The following GREM2 variants were observed in gnomAD, a reference collection of about 807,000 sequenced individuals.
The protein encoded by GREM2 is gremlin-2.
Under a neutral mutation model 14.2 loss-of-function variants are expected in GREM2, and 11 were observed. The observed-to-expected ratio is 0.78, with a 90% CI of 0.49 to 1.28. The LOEUF is 1.28. Ranked by LOEUF, GREM2 falls within the 50% of genes most tolerant of loss-of-function variation. The pLI is 0.00. For synonymous variants in GREM2, 98 were observed against 97.6 expected, an observed-to-expected ratio of 1.00 and a Z score of -0.02; for missense variants, 210 against 218.5, an observed-to-expected ratio of 0.96 and a Z score of 0.24.
At chr1:240,611,075 A>T (rs1337593885) in intron 1 of GREM2, among the ~76,000 whole-genome samples, 1 of 18,826 alleles carries the variant, frequency 5.3e-5, no homozygotes, top group African/African-American at 1.3e-4. Flanking sequence ...ACCTCAAAAT[A>T]AAAAAAAAAA....
At chr1:240,532,068 AATT>A (rs531991027) in intron 1 of GREM2, among the ~76,000 whole-genome samples, 8 of 151,000 alleles carry the variant, frequency 5.3e-5, no homozygotes, top group South Asian at 4.2e-4. Context: ...TTTGGAACTA[AATT>A]ATTATTATTA....
chr1:240,565,691 A>G (rs965893495), intron 1 of GREM2, among the ~76,000 whole-genome samples: 1 of 151,868 alleles, frequency 6.6e-6, no homozygotes, highest in African/African-American at 2.4e-5. Context: ...CAAAAAATAC[A>G]AAAAATTAGC....
chr1:240,590,558 T>C (rs1679688808), intron 1 of GREM2, among the ~76,000 whole-genome samples: 1 of 150,966 alleles, frequency 6.6e-6, no homozygotes, highest in Non-Finnish European at 1.5e-5. Flanking sequence ...GCCTTCTGAG[T>C]AGCTGGGATT....
At chr1:240,565,997 G>C (rs1437030490) in intron 1 of GREM2, among the ~76,000 whole-genome samples, 2 of 151,866 alleles carry the variant, frequency 1.3e-5, no homozygotes, top group Non-Finnish European at 2.9e-5. Context: ...TTTTTGCAGG[G>C]GTTTGCATTA....
At chr1:240,581,164 C>A (rs7551924) in intron 1 of GREM2, among the ~76,000 whole-genome samples, 30,314 of 151,370 alleles carry the variant, frequency 0.2, 3,230 homozygotes, top group South Asian at 0.3. Flanking sequence ...GCAAGAGAAT[C>A]GCTCAAATGG....
At chr1:240,501,747 A>G (rs928188832) in intron 1 of GREM2, among the ~76,000 whole-genome samples, 1 of 152,068 alleles carries the variant, frequency 6.6e-6, no homozygotes, top group African/African-American at 2.4e-5. Context: ...ACTCACTCCC[A>G]GGCTTCTCTG....
intron 1 of GREM2, among the ~76,000 whole-genome samples, chr1:240,525,395 G>T (rs2103308122): frequency 6.6e-6 from 1 of 152,280 alleles, no homozygotes; most frequent in African/African-American, 2.4e-5. Context: ...GGGAAATGGG[G>T]AGGGCTCTAC....
In GREM2 at chr1:240,555,390, T is replaced by C. The variant is rs534614162; in HGVS notation, c.-2+56494A>G. Among the ~76,000 whole-genome samples the C allele has an allele frequency of 5.3e-5, 8 of 152,274 alleles. No homozygotes were observed. The East Asian group carries it at 1.5e-3, about 29-fold the overall frequency. On this transcript the variant is annotated intron_variant, in intron 1 of 1. Transcript: ENST00000318160. ...TGCATAAAACATTTAGCACAGGGCCTGGCACAAAGCATAAGGCCAAAAAGC... is the reference window on the plus strand; with the variant it reads ...TGCATAAAACATTTAGCACAGGGCCCGGCACAAAGCATAAGGCCAAAAAGC...
At chr1:240,539,906 G>T (rs200552054) in intron 1 of GREM2, among the ~76,000 whole-genome samples, 3 of 152,198 alleles carry the variant, frequency 2.0e-5, no homozygotes, top group African/African-American at 7.2e-5. Flanking sequence ...TGTTGTTGAT[G>T]CCTCCTCTTT....
intron 1 of GREM2, among the ~76,000 whole-genome samples, chr1:240,597,318 T>G (rs954443358): frequency 6.6e-6 from 1 of 152,248 alleles, no homozygotes; most frequent in Admixed American, 6.5e-5. Flanking sequence ...ACTGTATGCC[T>G]GTCCTTGTAG....
intron 1 of GREM2, among the ~76,000 whole-genome samples, chr1:240,575,039 G>A (rs368595812): frequency 7.2e-5 from 11 of 151,918 alleles, no homozygotes; most frequent in South Asian, 2.1e-4. Context: ...CGTGGGAGGC[G>A]GAGGCTGCAG....
chr1:240,581,148 G>A (rs1679475127), intron 1 of GREM2, among the ~76,000 whole-genome samples: 3 of 151,970 alleles, frequency 2.0e-5, no homozygotes, highest in South Asian at 4.1e-4. Flanking sequence ...TACTTGGGAG[G>A]CTGAGGCAAG....
chr1:240,540,702 A>G lies in GREM2; in HGVS notation c.-1-47226T>C, dbSNP rs1224930497. 3.9e-5 allele frequency among the ~76,000 whole-genome samples: 6 copies of G among 152,098 alleles called. No individual in the cohort carries two copies. Among genetic ancestry groups the G allele is most frequent in the Non-Finnish European group, 7.4e-5 (5 of 68,014 alleles). On this transcript the variant is annotated intron_variant, in intron 1 of 1. Coordinates refer to ENST00000318160, the MANE Select transcript of GREM2 (RefSeq NM_022469.4). This position sits in a 1 kb window ranked among gnomAD's most constrained non-coding sequence, Gnocchi z 4.2. ...CTCAGCCTCCTGAGTAGCTGGGACTACAGGCATGCATCACCACGCCCAGCT... is the reference window on the plus strand; with the variant it reads ...CTCAGCCTCCTGAGTAGCTGGGACTGCAGGCATGCATCACCACGCCCAGCT...
intron 1 of GREM2, among the ~76,000 whole-genome samples, chr1:240,551,692 T>A (rs2103338769): frequency 6.6e-6 from 1 of 152,238 alleles, no homozygotes; most frequent in Non-Finnish European, 1.5e-5. Context: ...TGAGGTACAC[T>A]TAAAATGTAA....
intron 1 of GREM2, among the ~76,000 whole-genome samples, chr1:240,571,741 T>C (rs1241036651): frequency 4.6e-5 from 7 of 152,138 alleles, no homozygotes; most frequent in African/African-American, 1.7e-4. Context: ...TTTGGGTCAA[T>C]TTCTTATCTG....
At chr1:240,602,612 A>G (rs186253402) in intron 1 of GREM2, among the ~76,000 whole-genome samples, 139 of 152,178 alleles carry the variant, frequency 9.1e-4, no homozygotes, top group South Asian at 6.6e-3. Context: ...AGGTCAAGAG[A>G]TCAAGACCAT....
chr1:240,534,542 A>G (rs370887080), intron 1 of GREM2, among the ~76,000 whole-genome samples: 1 of 152,018 alleles, frequency 6.6e-6, no homozygotes, highest in Non-Finnish European at 1.5e-5. Context: ...ACAAAAAAAA[A>G]TTAGCTGGGC....
In GREM2 at chr1:240,518,527, T is replaced by A. The variant is rs544978291; in HGVS notation, c.-1-25051A>T. On this transcript the variant is annotated intron_variant, in intron 1 of 1. Coordinates refer to ENST00000318160, the MANE Select transcript of GREM2 (RefSeq NM_022469.4). Reference sequence around the variant, plus strand: ...TACATCCTTAGTTTTTGGGTTTTTTTAAACATTTTATCTGCTAATTCTTCT... The same window carrying A: ...TACATCCTTAGTTTTTGGGTTTTTTAAAACATTTTATCTGCTAATTCTTCT... 1.1e-4 allele frequency among the ~76,000 whole-genome samples: 17 copies of A among 152,360 alleles called. 1 individual carries two copies. Among genetic ancestry groups the A allele is most frequent in the Non-Finnish European group, 1.3e-4 (9 of 68,036 alleles).
intron 1 of GREM2, among the ~76,000 whole-genome samples, chr1:240,606,964 C>T (rs933847216): frequency 6.6e-6 from 1 of 152,158 alleles, no homozygotes; most frequent in Non-Finnish European, 1.5e-5. Context: ...AGGCGTGAGC[C>T]ACTGAGCCCT....
Sources: gnomAD v4.1 joint callset for allele counts (sites outside exome capture counted in the v4.1 genomes callset) on GRCh38, gnomAD v4.1.1 for gene constraint, Gnocchi (gnomAD v3.1) non-coding constraint, MANE v1.5 for transcripts, NCBI Gene and HGNC (gene_info 2026-07-23, HGNC 2026-07-21) for gene names.